STK32B: variants seen among roughly 807,000 people sequenced by gnomAD.
STK32B encodes the protein serine/threonine-protein kinase 32B.
STK32B carries 43 observed loss-of-function variants against 52.6 expected under a neutral mutation model. The observed-to-expected ratio is 0.82, with a 90% CI of 0.64 to 1.05. The LOEUF is 1.05. STK32B is among the 50% of genes least tolerant of loss of function. The pLI is 0.00. For synonymous variants in STK32B, 238 were observed against 204.3 expected (o/e 1.17, Z -1.41); for missense variants, 621 against 534.6 (o/e 1.16, Z -1.59).
intron 11 of STK32B, among the ~76,000 whole-genome samples, chr4:5,474,547 T>C (rs911663124): frequency 6.6e-6 from 1 of 152,212 alleles, no homozygotes; most frequent in Non-Finnish European, 1.5e-5. Flanking sequence ...GAAAACCCTT[T>C]GCACTTAGTC....
the STK32B span, among the ~76,000 whole-genome samples, chr4:5,027,419 T>C: frequency 1.3e-5 from 2 of 152,284 alleles, no homozygotes; most frequent in East Asian, 1.9e-4. Flanking sequence ...CAGAAAGGAC[T>C]CAGAGAAAGT....
At chr4:5,055,977 A>G (rs760477700) in intron 1 of STK32B, among the ~76,000 whole-genome samples, 1 of 152,090 alleles carries the variant, frequency 6.6e-6, no homozygotes, top group Non-Finnish European at 1.5e-5. Flanking sequence ...TCAGGGATCC[A>G]CAACCCCTGG....
intron 1 of STK32B, chr4:5,139,688 A>G: frequency 1.8e-6 from 1 of 563,574 alleles, no homozygotes; most frequent in African/African-American, 1.9e-5. Flanking sequence ...TGTGGAGTGA[A>G]GGGAAGGCTT....
At position 5,416,941 on chromosome 4, in the gene STK32B, G is replaced by T. The variant is rs755064722; in HGVS notation, c.562+7G>T. On this transcript the variant is annotated splice_region_variant and intron_variant, in intron 6 of 11. Transcript: ENST00000282908. ...GGCACCAAGCCCTACATGGGTGAGT[G>T]TTCCAGGCCCCTTCTTTTCATGTGA... 1.2e-6 allele frequency: 2 copies of T among 1,609,192 alleles called. No individual in the cohort carries two copies. Among genetic ancestry groups the T allele is most frequent in the Non-Finnish European group, 1.7e-6 (2 of 1,177,702 alleles).
chr4:5,019,428 A>G, the STK32B span: 1 of 1,478,454 alleles, frequency 6.8e-7, no homozygotes, highest in Non-Finnish European at 8.9e-7. Context: ...GCACGGGCAG[A>G]GGCCCAGGCG....
chr4:5,165,119 C>G (rs1174267972), intron 2 of STK32B, among the ~76,000 whole-genome samples: 1 of 152,140 alleles, frequency 6.6e-6, no homozygotes, highest in African/African-American at 2.4e-5. Flanking sequence ...AGCATGAGGT[C>G]TTAGCCCTGA....
intron 1 of STK32B, among the ~76,000 whole-genome samples, chr4:5,116,053 A>G (rs746565541): frequency 1.3e-5 from 2 of 152,072 alleles, no homozygotes; most frequent in African/African-American, 4.8e-5. Context: ...AGTGGGAGAG[A>G]CAGACCCTCA....
At chr4:5,390,655 A>G (rs1419806331) in intron 4 of STK32B, among the ~76,000 whole-genome samples, 3 of 152,146 alleles carry the variant, frequency 2.0e-5, no homozygotes, top group East Asian at 1.9e-4. Flanking sequence ...GCTGTACAGT[A>G]TCAGGACATA....
At chr4:5,377,434 C>T (rs1026311105) in intron 4 of STK32B, among the ~76,000 whole-genome samples, 12 of 152,082 alleles carry the variant, frequency 7.9e-5, no homozygotes, top group Non-Finnish European at 1.8e-4. Context: ...CACCTATAAG[C>T]GCCTTCTTAC....
chr4:5,226,630 C>T (rs1287228333), intron 3 of STK32B, among the ~76,000 whole-genome samples: 1 of 152,160 alleles, frequency 6.6e-6, no homozygotes, highest in Non-Finnish European at 1.5e-5. Context: ...CAGAGTTTTT[C>T]AATCCTTATT....
At chr4:5,433,738 C>G (rs1713792351) in intron 6 of STK32B, among the ~76,000 whole-genome samples, 1 of 152,178 alleles carries the variant, frequency 6.6e-6, no homozygotes, top group African/African-American at 2.4e-5. Context: ...CACTCCACTG[C>G]AAATATCAAA....
In STK32B at chr4:5,499,989, G is replaced by GAGAGT. The variant is rs1311143573; in HGVS notation, c.*908_*912dup. 1 of 152,248 alleles carries GAGAGT rather than the reference G, an allele frequency of 6.6e-6. No homozygotes were observed. The highest frequency in any genetic ancestry group is 2.4e-5 in the African/African-American group (1 of 41,462). 9.4% of individuals were successfully genotyped at this position (152,248 alleles called of 1,614,324 possible). On this transcript the variant is annotated 3_prime_UTR_variant, in exon 12 of 12. Coordinates refer to ENST00000282908, the MANE Select transcript of STK32B (RefSeq NM_018401.3). ...ATCAGCTTGTCAGATTCTTCTTACA[G>GAGAGT]AGAGTATCCAATCGGTATTGGTGGA...
At chr4:5,121,685 T>C (rs1715033481) in intron 1 of STK32B, among the ~76,000 whole-genome samples, 1 of 152,206 alleles carries the variant, frequency 6.6e-6, no homozygotes, top group Non-Finnish European at 1.5e-5. Flanking sequence ...GAGATATTAT[T>C]GTTTCCACTT....
At chr4:5,266,459 A>C (rs183513926) in intron 3 of STK32B, among the ~76,000 whole-genome samples, 57 of 152,298 alleles carry the variant, frequency 3.7e-4, no homozygotes, top group African/African-American at 1.3e-3. Flanking sequence ...GATCTGGGAG[A>C]TCTCTCAACA....
At chr4:5,336,714 A>G (rs572870093) in intron 4 of STK32B, among the ~76,000 whole-genome samples, 1 of 152,356 alleles carries the variant, frequency 6.6e-6, no homozygotes, top group South Asian at 2.1e-4. Flanking sequence ...GAGACAAAGC[A>G]AAGTTAAAGA....
chr4:5,095,528 T>C (rs1183907093), intron 1 of STK32B, among the ~76,000 whole-genome samples: 1 of 152,232 alleles, frequency 6.6e-6, no homozygotes, highest in African/African-American at 2.4e-5. Context: ...GGCAGGAGAA[T>C]TGCTTGAACC....
intron 6 of STK32B, among the ~76,000 whole-genome samples, chr4:5,433,350 G>GT (rs1713757184): frequency 6.6e-6 from 1 of 152,166 alleles, no homozygotes; most frequent in Admixed American, 6.5e-5. Flanking sequence ...GGGGCAGTTT[G>GT]AAAGCTTGCT....
At chr4:5,194,892 C>T (rs1040155275) in intron 3 of STK32B, among the ~76,000 whole-genome samples, 2 of 152,190 alleles carry the variant, frequency 1.3e-5, no homozygotes, top group Non-Finnish European at 2.9e-5. Context: ...AACTCATTCA[C>T]TCACTATCAC....
intron 3 of STK32B, among the ~76,000 whole-genome samples, chr4:5,263,230 G>GT (rs1726844001): frequency 6.6e-6 from 1 of 152,176 alleles, no homozygotes; most frequent in African/African-American, 2.4e-5. Flanking sequence ...TATCAATGCA[G>GT]TCCCATATAA....
Sources: gnomAD v4.1 joint callset for allele counts (sites outside exome capture counted in the v4.1 genomes callset) on GRCh38, gnomAD v4.1.1 for gene constraint, MANE v1.5 for transcripts, NCBI Gene and HGNC (gene_info 2026-07-23, HGNC 2026-07-21) for gene names.